Variants in UNC5D observed in about 807,000 individuals in gnomAD.
UNC5D encodes netrin receptor UNC5D.
UNC5D carries 39 observed loss-of-function variants against 105.4 expected under a neutral mutation model. That is an observed-to-expected ratio of 0.37 (90% CI 0.29 to 0.48). The LOEUF (loss-of-function observed/expected upper bound fraction) is 0.48. UNC5D is among the 20% of genes least tolerant of loss of function. The pLI, the probability that UNC5D is intolerant of heterozygous loss-of-function variation, is 0.98. For synonymous variants in UNC5D, 452 were observed against 450.4 expected (o/e 1.00, Z -0.04); for missense variants, 991 against 1,202.4 (o/e 0.82, Z 2.60).
At chr8:35,654,754 A>G (rs1823630977) in intron 4 of UNC5D, among the ~76,000 whole-genome samples, 1 of 151,658 alleles carries the variant, frequency 6.6e-6, no homozygotes, top group Non-Finnish European at 1.5e-5. Context: ...TTCTTTTGGG[A>G]GGGATGGGGG....
At chr8:35,320,784 A>AT (rs931880303) in intron 1 of UNC5D, among the ~76,000 whole-genome samples, 43 of 152,258 alleles carry the variant, frequency 2.8e-4, no homozygotes, top group Middle Eastern at 3.4e-3. Flanking sequence ...CATGGCCTGA[A>AT]TTAGGTTTTC....
intron 1 of UNC5D, among the ~76,000 whole-genome samples, chr8:35,397,836 T>C (rs193112175): frequency 6.6e-6 from 1 of 152,316 alleles, no homozygotes; most frequent in East Asian, 1.9e-4. Flanking sequence ...TTTTTCTTGA[T>C]TTAAAAATTG....
At chr8:35,641,918 T>A (rs1822775062) in intron 4 of UNC5D, among the ~76,000 whole-genome samples, 1 of 152,168 alleles carries the variant, frequency 6.6e-6, no homozygotes, top group South Asian at 2.1e-4. Flanking sequence ...CTTGCTTAGG[T>A]ATGGATGGTG....
At chr8:35,257,373 A>G (rs1408096316) in intron 1 of UNC5D, among the ~76,000 whole-genome samples, 1 of 152,136 alleles carries the variant, frequency 6.6e-6, no homozygotes, top group Non-Finnish European at 1.5e-5. Context: ...AATAGCACAG[A>G]AATGATAGAG....
chr8:35,599,688 T>A (rs1398167678), intron 4 of UNC5D, among the ~76,000 whole-genome samples: 1 of 152,200 alleles, frequency 6.6e-6, no homozygotes, highest in Non-Finnish European at 1.5e-5. Context: ...CTCTCATGAT[T>A]GGGTACTAAC....
At chr8:35,549,594 AC>A in intron 2 of UNC5D, 84 bp downstream of exon 2, 8 of 1,305,670 alleles carry the variant, frequency 6.1e-6, no homozygotes, top group East Asian at 2.5e-5. Flanking sequence ...ACTGGAAATC[AC>A]CCCCCATTGC....
chr8:35,694,686 C>A (rs990734899), intron 7 of UNC5D, among the ~76,000 whole-genome samples: 8 of 150,796 alleles, frequency 5.3e-5, no homozygotes, highest in Non-Finnish European at 7.4e-5. Context: ...TACAAAATAG[C>A]AATAACTATA....
intron 1 of UNC5D, among the ~76,000 whole-genome samples, chr8:35,433,513 T>C (rs936218703): frequency 6.6e-6 from 1 of 152,096 alleles, no homozygotes; most frequent in African/African-American, 2.4e-5. Context: ...AAAAAAATAA[T>C]AAAAATTTAC....
intron 1 of UNC5D, 95 bp from the exon 2 acceptor site, chr8:35,549,197 C>A: frequency 1.7e-6 from 2 of 1,157,718 alleles, no homozygotes; most frequent in Non-Finnish European, 1.2e-6. Flanking sequence ...ATTTCTCCAG[C>A]ACAGAATCTT....
intron 4 of UNC5D, among the ~76,000 whole-genome samples, chr8:35,638,321 A>G (rs1822506040): frequency 6.6e-6 from 1 of 152,208 alleles, no homozygotes; most frequent in Admixed American, 6.5e-5. Context: ...TTTTAAATAC[A>G]GTAAGAATTT....
chr8:35,542,312 A>G (rs1237658064), intron 1 of UNC5D, among the ~76,000 whole-genome samples: 2 of 152,252 alleles, frequency 1.3e-5, no homozygotes, highest in Non-Finnish European at 2.9e-5. Context: ...TCACATTTAC[A>G]TAAATGAAGG....
At chr8:35,293,364 T>C (rs1198953924) in intron 1 of UNC5D, among the ~76,000 whole-genome samples, 3 of 152,338 alleles carry the variant, frequency 2.0e-5, no homozygotes, top group East Asian at 3.9e-4. Flanking sequence ...GAAGGGTTTA[T>C]AGCATAAAAG....
chr8:35,687,325 C>G (rs932032487), intron 7 of UNC5D, among the ~76,000 whole-genome samples: 2 of 151,718 alleles, frequency 1.3e-5, no homozygotes, highest in Non-Finnish European at 2.9e-5. Flanking sequence ...GCCTGTAGTC[C>G]CAGCTACTCA....
At chr8:35,316,695 C>G (rs1809329825) in intron 1 of UNC5D, among the ~76,000 whole-genome samples, 1 of 152,056 alleles carries the variant, frequency 6.6e-6, no homozygotes, top group Non-Finnish European at 1.5e-5. Flanking sequence ...AAAATGATTA[C>G]AGATTAAATC....
rs1394792918 is a variant in UNC5D, at chr8:35,528,020, T to G, written c.104-21272T>G. On this transcript the variant is annotated intron_variant, in intron 1 of 16. Transcript: ENST00000404895. ...TAACAATGCCCAGTTAAGTTTATCA[T>G]GAATTCTAGAAACAGCTGGTTTTTT... Among the ~76,000 whole-genome samples the G allele has an allele frequency of 2.0e-5, 3 of 150,482 alleles. No individual in the cohort carries two copies. In the South Asian group the frequency reaches 6.3e-4, roughly 32 times the overall value.
intron 1 of UNC5D, among the ~76,000 whole-genome samples, chr8:35,294,373 C>T (rs1357481766): frequency 1.3e-5 from 2 of 152,092 alleles, no homozygotes; most frequent in East Asian, 3.9e-4. Context: ...TTCTTAATGG[C>T]ATCTAGATGC....
rs1157645827 is a variant in UNC5D, at chr8:35,759,406, T to G, written c.2250T>G (p.Leu750=). 6 of 1,614,162 alleles carry G rather than the reference T, an allele frequency of 3.7e-6. No homozygotes were observed. The highest frequency in any genetic ancestry group is 5.1e-6 in the Non-Finnish European group (6 of 1,179,988). Residue 750 remains leucine, a synonymous_variant, in exon 14 of 17, where the codon CTT becomes CTG. Transcript: ENST00000404895. The part of the protein sequence containing the change: ...LLHFKGNTFS[L]QISVLDIPPF... ...ATTTCAAAGGGAATACCTTTAGTCT[T>G]CAGATTTCTGTCCTTGATATTCCCC...
At chr8:35,637,792 C>T (rs1822475188) in intron 4 of UNC5D, among the ~76,000 whole-genome samples, 1 of 152,154 alleles carries the variant, frequency 6.6e-6, no homozygotes, top group African/African-American at 2.4e-5. Flanking sequence ...AGGACTTCTC[C>T]ATTCTTGCAT....
At chr8:35,299,794 T>A (rs934870716) in intron 1 of UNC5D, among the ~76,000 whole-genome samples, 1 of 152,118 alleles carries the variant, frequency 6.6e-6, no homozygotes, top group Non-Finnish European at 1.5e-5. Flanking sequence ...AGAGAATGGT[T>A]GAATAAATGA....
Sources: gnomAD v4.1 joint callset for allele counts (sites outside exome capture counted in the v4.1 genomes callset) on GRCh38, gnomAD v4.1.1 for gene constraint, MANE v1.5 for transcripts, NCBI Gene and HGNC (gene_info 2026-07-23, HGNC 2026-07-21) for gene names.